The following HS3ST4 variants were observed in gnomAD, a reference collection of about 807,000 sequenced individuals.
The protein encoded by HS3ST4 is heparan sulfate-glucosamine 3-sulfotransferase 4, also known as heparan sulfate glucosamine 3-O-sulfotransferase 4.
HS3ST4 carries 17 observed loss-of-function variants against 29.2 expected under a neutral mutation model. That is an observed-to-expected ratio of 0.58 (90% CI 0.40 to 0.87). HS3ST4 has a LOEUF of 0.87. Among genes scored for constraint, HS3ST4 ranks in the 40% least tolerant of loss-of-function variants. The probability of loss-of-function intolerance (pLI) is 0.00; values close to 1 mark genes in which losing one functional copy is unlikely to be tolerated. For missense variants in HS3ST4, 627 were observed against 634.5 expected, an observed-to-expected ratio of 0.99 and a Z score of 0.13; for synonymous variants, 314 against 285.7, an observed-to-expected ratio of 1.10 and a Z score of -1.00.
At chr16:25,999,447 C>T (rs376538855) in intron 1 of HS3ST4, among the ~76,000 whole-genome samples, 36 of 151,944 alleles carry the variant, frequency 2.4e-4, no homozygotes, top group African/African-American at 5.8e-4. Context: ...TGATTAGATG[C>T]GCAGATGTTT....
At chr16:25,815,695 A>C (rs1223252546) in intron 1 of HS3ST4, among the ~76,000 whole-genome samples, 2 of 152,312 alleles carry the variant, frequency 1.3e-5, no homozygotes, top group East Asian at 3.9e-4. Context: ...GATGGGCCCC[A>C]AGCATGTGAG....
intron 1 of HS3ST4, among the ~76,000 whole-genome samples, chr16:26,082,082 A>G (rs774376390): frequency 7.2e-5 from 11 of 152,156 alleles, no homozygotes; most frequent in Admixed American, 1.3e-4. Flanking sequence ...GGCATGAGCC[A>G]CCGGACACGG....
intron 1 of HS3ST4, among the ~76,000 whole-genome samples, chr16:25,756,080 G>T (rs554711731): frequency 6.7e-6 from 1 of 149,984 alleles, no homozygotes; most frequent in East Asian, 2.0e-4. Flanking sequence ...TGTCATTGTG[G>T]GAAGGATACA....
intron 1 of HS3ST4, 65 bp from the exon 2 acceptor site, chr16:26,135,547 G>T: frequency 1.4e-6 from 2 of 1,460,236 alleles, no homozygotes; most frequent in East Asian, 2.3e-5. Context: ...CACATTTTGT[G>T]CAAAGAAGTT....
In HS3ST4 at chr16:25,926,948, G is replaced by A. The variant is rs1596616448; in HGVS notation, c.735-208664G>A. Reference sequence around the variant, plus strand: ...GGGTTCCCTCTGAAGGGGTGGGACTGTTCAGAATACTTTAAGGTCAGGAGA... The same window carrying A: ...GGGTTCCCTCTGAAGGGGTGGGACTATTCAGAATACTTTAAGGTCAGGAGA... On this transcript the variant is annotated intron_variant, in intron 1 of 1. Transcript: ENST00000331351. Among the ~76,000 whole-genome samples, 3 of 152,258 alleles carry A rather than the reference G, an allele frequency of 2.0e-5. No individual in the cohort carries two copies. The South Asian group carries it at 6.2e-4, about 32-fold the overall frequency.
intron 1 of HS3ST4, among the ~76,000 whole-genome samples, chr16:26,091,885 A>G (rs1213811362): frequency 6.6e-6 from 1 of 152,168 alleles, no homozygotes; most frequent in Non-Finnish European, 1.5e-5. Context: ...CCTGCTCTGT[A>G]CTGAGGTCTG....
chr16:26,109,220 G>A (rs1329923171), intron 1 of HS3ST4, among the ~76,000 whole-genome samples: 2 of 152,178 alleles, frequency 1.3e-5, no homozygotes, highest in Non-Finnish European at 2.9e-5. Flanking sequence ...GGTGGCTGTG[G>A]CAAAGGGAGG....
chr16:26,018,511 A>G (rs1969382081), intron 1 of HS3ST4, among the ~76,000 whole-genome samples: 2 of 152,214 alleles, frequency 1.3e-5, no homozygotes, highest in Admixed American at 1.3e-4. Flanking sequence ...AACCAAAGAG[A>G]CATCATGGTT....
chr16:25,768,035 AT>A (rs1303802831), intron 1 of HS3ST4, among the ~76,000 whole-genome samples: 1 of 152,032 alleles, frequency 6.6e-6, no homozygotes, highest in African/African-American at 2.4e-5. Flanking sequence ...TGAGCTTCCC[AT>A]TTTACAGGGG....
At chr16:26,034,553 G>A (rs1056395568) in intron 1 of HS3ST4, among the ~76,000 whole-genome samples, 3 of 151,800 alleles carry the variant, frequency 2.0e-5, no homozygotes, top group Admixed American at 6.6e-5. Flanking sequence ...ATTCTACATG[G>A]CTTCCAGGTT....
intron 1 of HS3ST4, among the ~76,000 whole-genome samples, chr16:25,992,428 T>C (rs930506146): frequency 1.3e-5 from 2 of 152,210 alleles, no homozygotes; most frequent in Non-Finnish European, 2.9e-5. Context: ...TATATCATGG[T>C]ACAGAGGTAG....
chr16:25,762,752 C>T (rs1468751765), intron 1 of HS3ST4, among the ~76,000 whole-genome samples: 1 of 151,496 alleles, frequency 6.6e-6, no homozygotes, highest in Non-Finnish European at 1.5e-5. Flanking sequence ...CGACGTGTAC[C>T]TCTAGTCCCA....
At chr16:25,996,162 G>T (rs1373590102) in intron 1 of HS3ST4, among the ~76,000 whole-genome samples, 1 of 152,150 alleles carries the variant, frequency 6.6e-6, no homozygotes, top group African/African-American at 2.4e-5. Context: ...ATTGTTGGTT[G>T]TAGCAATTCT....
chr16:25,981,872 A>G (rs1969008747), intron 1 of HS3ST4, among the ~76,000 whole-genome samples: 1 of 152,182 alleles, frequency 6.6e-6, no homozygotes, highest in South Asian at 2.1e-4. Flanking sequence ...TCAGATCACA[A>G]ATGGAACACA....
At chr16:26,094,924 A>G (rs929361944) in intron 1 of HS3ST4, among the ~76,000 whole-genome samples, 1 of 134,950 alleles carries the variant, frequency 7.4e-6, no homozygotes, top group Non-Finnish European at 1.6e-5. Flanking sequence ...AGGAAGATCT[A>G]CCAAGCAAAT....
chr16:25,769,596 G>A (rs1966839439), intron 1 of HS3ST4, among the ~76,000 whole-genome samples: 1 of 152,174 alleles, frequency 6.6e-6, no homozygotes, highest in Admixed American at 6.6e-5. Context: ...TTATCCCTCT[G>A]TTCCGGCACC....
intron 1 of HS3ST4, among the ~76,000 whole-genome samples, chr16:25,756,316 A>T (rs1966758580): frequency 6.6e-6 from 1 of 152,138 alleles, no homozygotes; most frequent in Non-Finnish European, 1.5e-5. Context: ...GGTTTAGTAA[A>T]ATCACTCTGG....
intron 1 of HS3ST4, among the ~76,000 whole-genome samples, chr16:25,861,309 T>A (rs1376761456): frequency 6.6e-6 from 1 of 152,138 alleles, no homozygotes; most frequent in Non-Finnish European, 1.5e-5. Flanking sequence ...TGTTGTGTGG[T>A]TCTGCAAGTT....
At chr16:25,818,027 C>G (rs1342703242) in intron 1 of HS3ST4, among the ~76,000 whole-genome samples, 1 of 152,176 alleles carries the variant, frequency 6.6e-6, no homozygotes, top group Admixed American at 6.5e-5. Context: ...TCGCGGCAAG[C>G]CAGCCTACTT....
Sources: gnomAD v4.1 joint callset for allele counts (sites outside exome capture counted in the v4.1 genomes callset) on GRCh38, gnomAD v4.1.1 for gene constraint, MANE v1.5 for transcripts, NCBI Gene and HGNC (gene_info 2026-07-23, HGNC 2026-07-21) for gene names.